Variants in FNIP2 observed in about 807,000 individuals in gnomAD.
FNIP2 encodes the protein folliculin-interacting protein 2.
FNIP2 carries 32 observed loss-of-function variants against 108.7 expected under a neutral mutation model. That is an observed-to-expected ratio of 0.29 (90% CI 0.22 to 0.40). FNIP2 has a LOEUF of 0.40. FNIP2 is among the 10% of genes least tolerant of loss of function. The pLI is 1.00. For synonymous variants in FNIP2, 480 were observed against 496.7 expected (o/e 0.97, Z 0.45); for missense variants, 1,202 against 1,381.6 (o/e 0.87, Z 2.06).
At chr4:158,806,003 T>C (rs1776934986) in intron 1 of FNIP2, 2 of 457,724 alleles carry the variant, frequency 4.4e-6, no homozygotes, top group African/African-American at 2.1e-5. Context: ...CCTAAATTAT[T>C]GGCAGGCTTA....
At chr4:158,808,702 T>C (rs1578846047) in intron 1 of FNIP2, 1 of 152,350 alleles carries the variant, frequency 6.6e-6, no homozygotes, top group Admixed American at 6.5e-5. Context: ...CCAAGTCATA[T>C]GGCAGTCAGG....
At chr4:158,827,756 T>C (rs984016712) in intron 2 of FNIP2, among the ~76,000 whole-genome samples, 1 of 152,208 alleles carries the variant, frequency 6.6e-6, no homozygotes, top group African/African-American at 2.4e-5. Context: ...AATGCCATCA[T>C]TGCTGGAGTG....
At chr4:158,885,010 GC>G in intron 14 of FNIP2, among the ~76,000 whole-genome samples, 1 of 151,054 alleles carries the variant, frequency 6.6e-6, no homozygotes, top group Non-Finnish European at 1.5e-5. Flanking sequence ...ACAAAAATTA[GC>G]TGGGCATGGT....
intron 16 of FNIP2, among the ~76,000 whole-genome samples, chr4:158,901,663 A>G (rs1249486417): frequency 6.6e-6 from 1 of 151,548 alleles, no homozygotes; most frequent in Non-Finnish European, 1.5e-5. Flanking sequence ...ATAGTCTCAT[A>G]TTTCTTGGAG....
rs1780320207 is a variant in FNIP2, at chr4:158,861,887, T to C, written c.1465+111T>C. ...CACCCAGTAATTCATAGGTTGTCTT[T>C]GGGCAGATGAGGAATAGGAAGTTGG... is the stretch of plus-strand genomic sequence containing the variant. On this transcript the variant is annotated intron_variant, in intron 12 of 16. Transcript: ENST00000264433. 4.7e-6 allele frequency: 6 copies of C among 1,285,356 alleles called. No homozygotes were observed. In the South Asian group the frequency reaches 6.8e-5, roughly 15 times the overall value. The allele number at this position is 1,285,356 out of a possible 1,614,324, so 79.6% of individuals were successfully genotyped here.
At chr4:158,899,084 G>A (rs1782960254) in intron 16 of FNIP2, among the ~76,000 whole-genome samples, 1 of 152,160 alleles carries the variant, frequency 6.6e-6, no homozygotes. Flanking sequence ...GGCCTTTTCT[G>A]CATCTATTGA....
At chr4:158,807,852 G>A (rs1278771515) in intron 1 of FNIP2, among the ~76,000 whole-genome samples, 1 of 152,218 alleles carries the variant, frequency 6.6e-6, no homozygotes, top group Non-Finnish European at 1.5e-5. Context: ...CAGTTAAAGA[G>A]ATCTGTTTGT....
intron 14 of FNIP2, among the ~76,000 whole-genome samples, chr4:158,876,023 T>C (rs1430337933): frequency 6.6e-6 from 1 of 152,232 alleles, no homozygotes; most frequent in Non-Finnish European, 1.5e-5. Context: ...GTCACACTTG[T>C]ATGCATATGG....
At chr4:158,871,348 C>T in intron 14 of FNIP2, 1 of 977,818 alleles carries the variant, frequency 1.0e-6, no homozygotes, top group Non-Finnish European at 1.2e-6. Context: ...AGGGAAAGTC[C>T]TCATCGCATT....
At chr4:158,804,787 A>G (rs1055302553) in intron 1 of FNIP2, among the ~76,000 whole-genome samples, 1 of 152,238 alleles carries the variant, frequency 6.6e-6, no homozygotes, top group African/African-American at 2.4e-5. Context: ...ATGGGAAGAA[A>G]GAACTCATGA....
chr4:158,885,181 G>T (rs975061212), intron 14 of FNIP2, among the ~76,000 whole-genome samples: 2 of 151,838 alleles, frequency 1.3e-5, no homozygotes, highest in South Asian at 2.1e-4. Flanking sequence ...ATCAGCTCTC[G>T]TGAGAACTCA....
Position 158,829,158 on chromosome 4 carries a change from G to A in FNIP2, c.314G>A (p.Ser105Asn), listed in dbSNP as rs770121737. ...SSSVSSSSSS[S>N]ISSHSSSGGS... The stretch of plus-strand genomic sequence containing the variant: ...AGTGTCAGCAGCAGTAGCAGCAGCA[G>A]CATCTCTTCCCACAGTTCTTCTGGG... The change falls in exon 3 of 17, where the codon AGC becomes AAC. Residue 105 changes from serine to asparagine, a missense_variant. By Grantham distance (46) the Ser-to-Asn change is conservative. Around this residue, in one of 5 missense-constraint regions of FNIP2, gnomAD observed 173 missense variants for 165.9 expected, o/e 1.04. Transcript: ENST00000264433. 5.6e-6 allele frequency: 9 copies of A among 1,613,004 alleles called. No individual in the cohort carries two copies. Among genetic ancestry groups the A allele is most frequent in the South Asian group, 1.1e-5 (1 of 90,806 alleles).
chr4:158,825,490 C>T (rs1264147938), intron 1 of FNIP2, among the ~76,000 whole-genome samples: 2 of 152,174 alleles, frequency 1.3e-5, no homozygotes, highest in Admixed American at 6.5e-5. Flanking sequence ...GCTCTACCGA[C>T]TTGCTCCAAA....
chr4:158,883,772 G>A (rs1343519325), intron 14 of FNIP2, among the ~76,000 whole-genome samples: 1 of 152,074 alleles, frequency 6.6e-6, no homozygotes, highest in African/African-American at 2.4e-5. Flanking sequence ...AAGTGGCTGT[G>A]TTTTCTCCTA....
At position 158,859,678 on chromosome 4, in the gene FNIP2, A is replaced by G. The variant is rs1202217135; in HGVS notation, c.1148+12A>G. On this transcript the variant is annotated intron_variant, in intron 10 of 16. Transcript: ENST00000264433. ...CTGGGAGAATTCAGGTAAAGTGGCA[A>G]AGTTTGGCAAATCCAACAGGAGATG... is the stretch of plus-strand genomic sequence containing the variant. 6.2e-7 allele frequency: 1 copy of G among 1,607,742 alleles called. No homozygotes were observed. The highest frequency in any genetic ancestry group is 2.2e-5 in the East Asian group (1 of 44,816).
At chr4:158,822,282 AT>A (rs1340310298) in intron 1 of FNIP2, among the ~76,000 whole-genome samples, 1 of 147,458 alleles carries the variant, frequency 6.8e-6, no homozygotes, top group African/African-American at 2.5e-5. Flanking sequence ...AGCTCAGGTG[AT>A]TCTACCACCT....
chr4:158,818,660 T>TA (rs921489786), intron 1 of FNIP2, among the ~76,000 whole-genome samples: 2 of 152,106 alleles, frequency 1.3e-5, no homozygotes, highest in African/African-American at 2.4e-5. Context: ...TTCTGATTTC[T>TA]AAAAAAAATT....
chr4:158,801,283 G>A (rs570450058), intron 1 of FNIP2, among the ~76,000 whole-genome samples: 3 of 152,114 alleles, frequency 2.0e-5, no homozygotes, highest in South Asian at 2.1e-4. Flanking sequence ...CAAGGTGTCC[G>A]ACAAGATACT....
At chr4:158,817,593 C>G (rs950939367) in intron 1 of FNIP2, among the ~76,000 whole-genome samples, 48 of 152,186 alleles carry the variant, frequency 3.2e-4, no homozygotes, top group Non-Finnish European at 6.8e-4. Flanking sequence ...GTCGCCCAGG[C>G]TGGAGTACAG....
Sources: allele counts gnomAD v4.1 joint callset (sites outside exome capture counted in the v4.1 genomes callset), GRCh38; gene constraint gnomAD v4.1.1; regional missense constraint gnomAD v4.1.1; transcripts MANE v1.5; gene names NCBI Gene and HGNC (gene_info 2026-07-23, HGNC 2026-07-21).